The following ABCB1 variants were observed in gnomAD, a reference collection of about 807,000 sequenced individuals.
ABCB1 encodes the protein ATP binding cassette subfamily B member 1.
A neutral mutation model predicts 142.0 loss-of-function variants in ABCB1; 69 were observed. That is an observed-to-expected ratio of 0.49 (90% CI 0.40 to 0.59). ABCB1 has a LOEUF of 0.59. ABCB1 is among the 20% of genes least tolerant of loss of function. The probability of loss-of-function intolerance (pLI) is 0.00; values close to 1 mark genes in which losing one functional copy is unlikely to be tolerated. For missense variants in ABCB1, 1,326 were observed against 1,554.7 expected (o/e 0.85, Z 2.47); for synonymous variants, 532 against 539.2 (o/e 0.99, Z 0.18).
intron 8 of ABCB1, among the ~76,000 whole-genome samples, chr7:87,557,932 T>A (rs1817372270): frequency 6.6e-6 from 1 of 152,004 alleles, no homozygotes. Context: ...AAGAAATGAG[T>A]TTAATAGAAC....
intron 9 of ABCB1, among the ~76,000 whole-genome samples, chr7:87,552,533 G>T (rs3789244): frequency 0.6 from 91,389 of 151,568 alleles, 28,364 homozygotes; most frequent in African/African-American, 0.75. Context: ...TGCCTCCAGT[G>T]TGTGAAGTAT....
At chr7:87,675,653 C>CAAAAAAAAAAAA (rs200136132) in intron 1 of ABCB1, among the ~76,000 whole-genome samples, 1 of 65,846 alleles carries the variant, frequency 1.5e-5, no homozygotes, top group African/African-American at 5.8e-5. Context: ...TATTCACATG[C>CAAAAAAAAAAAA]AAAAAAAAAA....
chr7:87,549,482 A>T lies in ABCB1; in HGVS notation c.1591T>A (p.Leu531Met). The T allele has an allele frequency of 1.9e-6, 3 of 1,614,086 alleles. No individual in the cohort carries two copies. The highest frequency in any genetic ancestry group is 2.5e-6 in the Non-Finnish European group (3 of 1,180,014). Residue 531 changes from leucine to methionine, a missense_variant, in exon 14 of 28, where the codon TTG becomes ATG. By Grantham distance (15) the Leu-to-Met change is conservative. Transcript: ENST00000622132. ...ATCCTCTGCTTCTGCCCACCACTCA[A>T]CTGGGCCCCTCTCTCTCCAACCAGG... is the stretch of plus-strand genomic sequence containing the variant. ...DTLVGERGAQ[L>M]SGGQKQRIAI...
rs1584885852 is a variant in ABCB1 at position 87,565,972 on chromosome 7, G to A, written c.702+98C>T. 2.2e-6 allele frequency: 3 copies of A among 1,345,638 alleles called. No individual in the cohort carries two copies. The highest frequency in any genetic ancestry group is 1.9e-4 in the Middle Eastern group (1 of 5,320). The allele number at this position is 1,345,638 out of a possible 1,614,324, so 83.4% of individuals were successfully genotyped here. A position where few individuals can be genotyped will look rare whatever the true frequency, so the allele number is the denominator to read the frequency against. On this transcript the variant is annotated intron_variant, in intron 7 of 27. Transcript: ENST00000622132. Reference sequence around the variant, plus strand: ...AGAAAACGTAAAAGTAACAAGTACAGAATCAGAGTCATCATGTAGTAAAAA... The same window carrying A: ...AGAAAACGTAAAAGTAACAAGTACAAAATCAGAGTCATCATGTAGTAAAAA...
At position 87,544,830 on chromosome 7, in the gene ABCB1, T is replaced by C; in HGVS notation, c.2057A>G (p.Glu686Gly). 6.2e-7 allele frequency: 1 copy of C among 1,614,016 alleles called. No homozygotes were observed. The highest frequency in any genetic ancestry group is 8.5e-7 in the Non-Finnish European group (1 of 1,179,982). Residue 686 changes from glutamate to glycine, a missense_variant, in exon 16 of 28, where the codon GAG (glutamate) becomes GGG (glycine). Glu to Gly is a moderately conservative substitution (Grantham distance 98, BLOSUM62 -2). Transcript: ENST00000622132. Reference sequence around the variant, plus strand: ...CCGCATCTCCCTTCATACCAGAGCCTCTTTGGTACTAAGCTTTCTGTCTTG... The same window carrying C: ...CCGCATCTCCCTTCATACCAGAGCCCCTTTGGTACTAAGCTTTCTGTCTTG... Reference protein sequence around the residue: ...QAQDRKLSTKEALDESIPPVS... With the variant: ...QAQDRKLSTKGALDESIPPVS...
intron 22 of ABCB1, 118 bp from the exon 23 acceptor site, chr7:87,519,584 C>T: frequency 8.3e-7 from 1 of 1,206,726 alleles, no homozygotes; most frequent in Non-Finnish European, 1.2e-6. Context: ...GGTTTCGTTT[C>T]CAAAGAACTA....
intron 20 of ABCB1, among the ~76,000 whole-genome samples, chr7:87,535,615 A>G (rs1584856886): frequency 6.6e-6 from 1 of 152,194 alleles, no homozygotes; most frequent in South Asian, 2.1e-4. Flanking sequence ...ACTATTCCAA[A>G]CAATAGAAAA....
chr7:87,561,453 A>C, intron 7 of ABCB1, 66 bp from the exon 8 acceptor site: 3 of 1,453,638 alleles, frequency 2.1e-6, no homozygotes, highest in Non-Finnish European at 2.8e-6. Flanking sequence ...TAAAGTAAAA[A>C]TAAATGTATA....
intron 21 of ABCB1, chr7:87,522,327 C>T: frequency 1.3e-6 from 1 of 747,430 alleles, no homozygotes; most frequent in Non-Finnish European, 2.4e-6. Flanking sequence ...TATGCTGGTA[C>T]AGGCCAGTAC....
chr7:87,512,154 A>T (rs1815039928), intron 25 of ABCB1, among the ~76,000 whole-genome samples: 1 of 151,652 alleles, frequency 6.6e-6, no homozygotes, highest in South Asian at 2.1e-4. Context: ...TGAAGTAAAT[A>T]TCCACCTTTG....
At chr7:87,687,492 G>T (rs1434245654) in intron 1 of ABCB1, among the ~76,000 whole-genome samples, 1 of 152,034 alleles carries the variant, frequency 6.6e-6, no homozygotes, top group Non-Finnish European at 1.5e-5. Context: ...TACTTATTAT[G>T]ATTATTGTTT....
At chr7:87,705,422 T>C (rs888811708) in intron 1 of ABCB1, among the ~76,000 whole-genome samples, 1 of 152,154 alleles carries the variant, frequency 6.6e-6, no homozygotes, top group African/African-American at 2.4e-5. Context: ...CGAGACTCCA[T>C]CTAAGAAAAC....
intron 26 of ABCB1, among the ~76,000 whole-genome samples, chr7:87,508,597 G>A (rs1246321348): frequency 6.6e-6 from 1 of 152,176 alleles, no homozygotes; most frequent in Non-Finnish European, 1.5e-5. Context: ...CACAGCCCAG[G>A]GAGCCCTAGA....
chr7:87,657,590 C>G (rs574702753), intron 1 of ABCB1, among the ~76,000 whole-genome samples: 3 of 152,276 alleles, frequency 2.0e-5, no homozygotes, highest in South Asian at 2.1e-4. Flanking sequence ...CCAACACCCC[C>G]CTTCCCACAA....
rs528334195 is a variant in ABCB1, at chr7:87,540,050, G to A, written c.2320-705C>T. Among the ~76,000 whole-genome samples, 20 of 152,310 alleles carry A rather than the reference G, an allele frequency of 1.3e-4. No homozygotes were observed. The South Asian group carries it at 4.1e-3, about 32-fold the overall frequency. ...TAGTAAGGTCAAATTCCCCAGTGAG[G>A]CTGTAAGTACTCAGTAAAGAAAGAA... On this transcript the variant is annotated intron_variant, in intron 18 of 27. Transcript: ENST00000622132.
At chr7:87,509,599 T>C in intron 25 of ABCB1, 118 bp from the exon 26 acceptor site, 1 of 1,120,970 alleles carries the variant, frequency 8.9e-7, no homozygotes, top group Non-Finnish European at 1.3e-6. Flanking sequence ...AGGAAAAGTT[T>C]GTGTGATTAA....
intron 1 of ABCB1, among the ~76,000 whole-genome samples, chr7:87,638,668 T>G (rs1484117592): frequency 3.9e-5 from 6 of 152,086 alleles, no homozygotes; most frequent in Non-Finnish European, 8.8e-5. Context: ...TTTTATTGTT[T>G]GAAAGATCTG....
At chr7:87,587,785 G>T (rs952426848) in intron 3 of ABCB1, among the ~76,000 whole-genome samples, 2 of 149,556 alleles carry the variant, frequency 1.3e-5, no homozygotes, top group African/African-American at 5.0e-5. Context: ...TGAGGCAGGA[G>T]AATGGTGTGA....
intron 1 of ABCB1, among the ~76,000 whole-genome samples, chr7:87,678,257 ACT>A (rs1202942765): frequency 6.6e-6 from 1 of 152,036 alleles, no homozygotes; most frequent in African/African-American, 2.4e-5. Flanking sequence ...CCTGGCCCTG[ACT>A]CTACTCTTGA....
Sources: allele counts gnomAD v4.1 joint callset (sites outside exome capture counted in the v4.1 genomes callset), GRCh38; gene constraint gnomAD v4.1.1; transcripts MANE v1.5; gene names NCBI Gene and HGNC (gene_info 2026-07-23, HGNC 2026-07-21).